Variants in PTPRD observed in about 807,000 individuals in gnomAD.
The protein encoded by PTPRD is receptor-type tyrosine-protein phosphatase delta.
PTPRD carries 34 observed loss-of-function variants against 214.5 expected under a neutral mutation model. The observed-to-expected ratio is 0.16, with a 90% CI of 0.12 to 0.21. The LOEUF (loss-of-function observed/expected upper bound fraction) is 0.21, where lower values mean the gene tolerates loss of function less well. Ranked by LOEUF, PTPRD falls within the 10% of genes least tolerant of loss-of-function variation. The pLI, the probability that PTPRD is intolerant of heterozygous loss-of-function variation, is 1.00. For synonymous variants in PTPRD, 1,128 were observed against 845.7 expected (o/e 1.33, Z -5.79); for missense variants, 2,545 against 2,398.7 (o/e 1.06, Z -1.27).
chr9:10,287,289 C>A (rs2154397902), intron 3 of PTPRD, among the ~76,000 whole-genome samples: 1 of 152,248 alleles, frequency 6.6e-6, no homozygotes, highest in East Asian at 1.9e-4. Flanking sequence ...AGACAGAGGC[C>A]TGGGACCTGT....
Position 10,311,540 on chromosome 9 carries a change from A to G in PTPRD, c.-545+29423T>C, listed in dbSNP as rs73644412. Among the ~76,000 whole-genome samples the G allele has an allele frequency of 1.0e-2, 1,519 of 152,136 alleles. 28 individuals carry two copies. Among genetic ancestry groups the G allele is most frequent in the African/African-American group, 0.035 (1,436 of 41,528 alleles). Reference sequence around the variant, plus strand: ...CTCTCTGCTTCATTGGGATATTTGTATGCTCATTCTATCCTGCATTTACAC... The same window carrying G: ...CTCTCTGCTTCATTGGGATATTTGTGTGCTCATTCTATCCTGCATTTACAC... On this transcript the variant is annotated intron_variant, in intron 3 of 45. Coordinates refer to ENST00000381196, the MANE Select transcript of PTPRD (RefSeq NM_002839.4).
intron 11 of PTPRD, among the ~76,000 whole-genome samples, chr9:8,753,269 A>T (rs1005707101): frequency 1.3e-5 from 2 of 152,214 alleles, no homozygotes; most frequent in Non-Finnish European, 2.9e-5. Flanking sequence ...ATGAAGCATG[A>T]TGTTCCTTTC....
chr9:10,360,944 T>C (rs1290483083), intron 2 of PTPRD, among the ~76,000 whole-genome samples: 1 of 151,854 alleles, frequency 6.6e-6, no homozygotes, highest in Non-Finnish European at 1.5e-5. Context: ...CTACTAAAAA[T>C]ACAAAAAATT....
intron 3 of PTPRD, among the ~76,000 whole-genome samples, chr9:10,310,560 T>C (rs1282875013): frequency 1.3e-5 from 2 of 151,760 alleles, no homozygotes; most frequent in Non-Finnish European, 2.9e-5. Flanking sequence ...AAGAAACATA[T>C]TCACTGAGAG....
chr9:9,153,302 G>A (rs2099878421), intron 10 of PTPRD, among the ~76,000 whole-genome samples: 1 of 152,146 alleles, frequency 6.6e-6, no homozygotes, highest in South Asian at 2.1e-4. Context: ...GTTTTTAAAA[G>A]GTAGTTATAG....
At chr9:8,913,065 T>C (rs936135943) in intron 11 of PTPRD, among the ~76,000 whole-genome samples, 1 of 152,106 alleles carries the variant, frequency 6.6e-6, no homozygotes, top group East Asian at 1.9e-4. Flanking sequence ...TTTTGAGAAG[T>C]TCAATAATAT....
intron 8 of PTPRD, among the ~76,000 whole-genome samples, chr9:9,409,943 G>C (rs750113620): frequency 2.0e-5 from 3 of 152,090 alleles, no homozygotes; most frequent in Non-Finnish European, 4.4e-5. Context: ...ATGAATAAAT[G>C]AAATGTGTAA....
At chr9:10,283,947 C>T (rs1382238740) in intron 3 of PTPRD, among the ~76,000 whole-genome samples, 1 of 152,136 alleles carries the variant, frequency 6.6e-6, no homozygotes, top group African/African-American at 2.4e-5. Context: ...AGGATGGACT[C>T]CTATTCCAGT....
intron 3 of PTPRD, among the ~76,000 whole-genome samples, chr9:10,183,461 G>A (rs910374418): frequency 2.6e-5 from 4 of 152,092 alleles, no homozygotes; most frequent in African/African-American, 9.7e-5. Flanking sequence ...GACTGTTAAT[G>A]TTTTTTAAAT....
chr9:10,394,853 C>T (rs1455814586), intron 2 of PTPRD, among the ~76,000 whole-genome samples: 1 of 151,524 alleles, frequency 6.6e-6, no homozygotes, highest in Admixed American at 6.6e-5. Flanking sequence ...ATTTTAGGTA[C>T]CAAGATGGTC....
At chr9:8,320,105 A>C in intron 44 of PTPRD, 139 bp from the exon 45 acceptor site, 2 of 1,035,932 alleles carry the variant, frequency 1.9e-6, no homozygotes, top group African/African-American at 1.6e-5. Flanking sequence ...ATGGTATCAC[A>C]TTCATCAAAT....
chr9:8,771,581 G>C (rs1245799003), intron 11 of PTPRD, among the ~76,000 whole-genome samples: 1 of 151,994 alleles, frequency 6.6e-6, no homozygotes, highest in Non-Finnish European at 1.5e-5. Flanking sequence ...TTTTCTCTTT[G>C]GTTTGTCACT....
At chr9:8,739,626 T>C (rs1478685659) in intron 11 of PTPRD, among the ~76,000 whole-genome samples, 1 of 152,184 alleles carries the variant, frequency 6.6e-6, no homozygotes, top group Non-Finnish European at 1.5e-5. Context: ...TGAGTTCTCG[T>C]AGTCCTTGGC....
At chr9:9,677,624 C>A (rs2096962414) in intron 7 of PTPRD, among the ~76,000 whole-genome samples, 1 of 151,960 alleles carries the variant, frequency 6.6e-6, no homozygotes, top group South Asian at 2.1e-4. Flanking sequence ...ACTGAATGGA[C>A]AAAAACTGGA....
chr9:9,407,188 A>G lies in PTPRD; in HGVS notation c.-236-9706T>C, dbSNP rs187595611. ...CTGAAATTTAAACAAATCACCTAAAAGCATGTCTGTTTTTGGTGTCTGGCT... is the reference window on the plus strand; with the variant it reads ...CTGAAATTTAAACAAATCACCTAAAGGCATGTCTGTTTTTGGTGTCTGGCT... On this transcript the variant is annotated intron_variant, in intron 8 of 45. Transcript: ENST00000381196. Among the ~76,000 whole-genome samples the G allele has an allele frequency of 6.6e-5, 10 of 151,892 alleles. No homozygotes were observed. The East Asian group carries it at 1.7e-3, about 26-fold the overall frequency.
rs538869783 is a variant in PTPRD, at chr9:9,078,589, A to C, written c.-142-59854T>G. ...TTATAAAACCTTTCAAACTAGGGGA[A>C]GCCTTAGATTGTGTTCTCCAGAAGC... On this transcript the variant is annotated intron_variant, in intron 10 of 45. Transcript: ENST00000381196. 3.3e-5 allele frequency among the ~76,000 whole-genome samples: 5 copies of C among 152,200 alleles called. No homozygotes were observed. The South Asian group carries it at 1.0e-3, about 31-fold the overall frequency.
intron 2 of PTPRD, among the ~76,000 whole-genome samples, chr9:10,406,614 G>A (rs938175565): frequency 6.6e-6 from 1 of 151,524 alleles, no homozygotes; most frequent in Non-Finnish European, 1.5e-5. Context: ...CACATTGCTG[G>A]TGTGTAGAGG....
At chr9:10,006,433 T>C (rs1214594963) in intron 4 of PTPRD, among the ~76,000 whole-genome samples, 1 of 152,012 alleles carries the variant, frequency 6.6e-6, no homozygotes, top group Non-Finnish European at 1.5e-5. Context: ...AATTATTTTA[T>C]ATTGGCAAAC....
At chr9:8,646,931 C>T (rs561351879) in intron 12 of PTPRD, among the ~76,000 whole-genome samples, 32 of 150,168 alleles carry the variant, frequency 2.1e-4, no homozygotes, top group African/African-American at 7.6e-4. Flanking sequence ...ATAATAATAT[C>T]GTAAATGTGA....
Sources: allele counts gnomAD v4.1 joint callset (sites outside exome capture counted in the v4.1 genomes callset), GRCh38; gene constraint gnomAD v4.1.1; transcripts MANE v1.5; gene names NCBI Gene and HGNC (gene_info 2026-07-23, HGNC 2026-07-21).